Variants in KIAA0753 observed in about 807,000 individuals in gnomAD.
KIAA0753 encodes KIAA0753.
In KIAA0753, 114 loss-of-function variants were observed where a neutral mutation model predicts 116.9. The observed-to-expected ratio is 0.98, with a 90% CI of 0.84 to 1.14. The LOEUF (loss-of-function observed/expected upper bound fraction) is 1.14. Among genes scored for constraint, KIAA0753 ranks in the 50% most tolerant of loss-of-function variants. The pLI, the probability that KIAA0753 is intolerant of heterozygous loss-of-function variation, is 0.00. For synonymous variants in KIAA0753, 405 were observed against 413.1 expected, an observed-to-expected ratio of 0.98 and a Z score of 0.24; for missense variants, 1,156 against 1,172.4, an observed-to-expected ratio of 0.99 and a Z score of 0.20.
intron 6 of KIAA0753, 145 bp downstream of exon 6, chr17:6,622,737 A>G: frequency 1.5e-6 from 1 of 680,226 alleles, no homozygotes; most frequent in Non-Finnish European, 2.5e-6. Flanking sequence ...CAAAACAAAA[A>G]GAAGTGTTTC....
At chr17:6,590,659 C>T in intron 16 of KIAA0753, 29 bp from the exon 17 acceptor site, 1 of 1,611,486 alleles carries the variant, frequency 6.2e-7, no homozygotes, top group Middle Eastern at 1.7e-4. Flanking sequence ...AAAATGACTG[C>T]ATATAAAGAA....
At chr17:6,599,202 A>G (rs919067467) in intron 14 of KIAA0753, 35 bp downstream of exon 14, 1 of 1,454,548 alleles carries the variant, frequency 6.9e-7, no homozygotes, top group South Asian at 1.1e-5. Flanking sequence ...TTATCAAGCA[A>G]TAATACCAGA....
At chr17:6,631,389 T>C (rs578119951) in intron 2 of KIAA0753, among the ~76,000 whole-genome samples, 14 of 152,232 alleles carry the variant, frequency 9.2e-5, no homozygotes, top group Admixed American at 3.3e-4. Flanking sequence ...AAACTACCTT[T>C]TGTACATTCC....
At chr17:6,585,533 C>T (rs1968517112) in intron 18 of KIAA0753, among the ~76,000 whole-genome samples, 1 of 152,110 alleles carries the variant, frequency 6.6e-6, no homozygotes, top group Non-Finnish European at 1.5e-5. Flanking sequence ...CCTAGAACGG[C>T]TTCTAATTTT....
At chr17:6,621,076 G>A (rs572293260) in intron 6 of KIAA0753, 78 bp from the exon 7 acceptor site, 271 of 1,309,246 alleles carry the variant, frequency 2.1e-4, no homozygotes, top group Non-Finnish European at 2.8e-4. Flanking sequence ...TGAAAATAAG[G>A]ACTCCAGGGA....
At chr17:6,624,631 A>C in intron 4 of KIAA0753, 124 bp downstream of exon 4, 1 of 629,940 alleles carries the variant, frequency 1.6e-6, no homozygotes, top group Non-Finnish European at 2.8e-6. Context: ...GAGCCTCACA[A>C]ATCTGTCAGA....
intron 12 of KIAA0753, among the ~76,000 whole-genome samples, chr17:6,601,909 T>A (rs557053926): frequency 6.6e-6 from 1 of 152,280 alleles, no homozygotes; most frequent in East Asian, 1.9e-4. Flanking sequence ...TGCACACATA[T>A]CTGGCAAGGG....
chr17:6,607,962 C>A (rs1330353901), intron 10 of KIAA0753, among the ~76,000 whole-genome samples: 1 of 152,178 alleles, frequency 6.6e-6, no homozygotes, highest in East Asian at 1.9e-4. Flanking sequence ...AGGTTACATA[C>A]CGTGTTCTAT....
chr17:6,631,785 T>C (rs1972034069), intron 2 of KIAA0753, among the ~76,000 whole-genome samples: 2 of 152,190 alleles, frequency 1.3e-5, no homozygotes. Context: ...AGATAGTGAT[T>C]TTTTAAATTT....
At chr17:6,605,542 A>T (rs960587028) in intron 12 of KIAA0753, among the ~76,000 whole-genome samples, 1 of 152,254 alleles carries the variant, frequency 6.6e-6, no homozygotes, top group African/African-American at 2.4e-5. Flanking sequence ...AGGAGTCTTC[A>T]TCTGATACTA....
intron 18 of KIAA0753, among the ~76,000 whole-genome samples, chr17:6,580,831 G>A (rs1968109109): frequency 6.6e-6 from 1 of 151,916 alleles, no homozygotes; most frequent in Non-Finnish European, 1.5e-5. Context: ...GCCGACGGAG[G>A]AAGGGGTGTG....
intron 1 of KIAA0753, chr17:6,637,114 T>A (rs13341406): frequency 0.36 from 54,481 of 152,294 alleles, 10,439 homozygotes; most frequent in Non-Finnish European, 0.43. Context: ...TCCTGTCTCA[T>A]CCTCTGAAGC....
intron 16 of KIAA0753, among the ~76,000 whole-genome samples, chr17:6,594,285 C>T (rs999183662): frequency 1.4e-4 from 21 of 149,698 alleles, no homozygotes; most frequent in African/African-American, 4.4e-4. Context: ...TGACCCCCCC[C>T]CCCAGAACTA....
intron 2 of KIAA0753, among the ~76,000 whole-genome samples, chr17:6,631,537 T>A (rs1294662216): frequency 6.6e-6 from 1 of 151,114 alleles, no homozygotes; most frequent in Admixed American, 6.6e-5. Context: ...AATACAGACA[T>A]ATAGGCAGAC....
chr17:6,635,703 T>A (rs187318092), intron 1 of KIAA0753: 273 of 152,722 alleles, frequency 1.8e-3, no homozygotes, highest in African/African-American at 6.3e-3. Context: ...TTTCTCTCAA[T>A]CTTCATTTCC....
At chr17:6,633,379 G>A (rs1227191918) in intron 2 of KIAA0753, among the ~76,000 whole-genome samples, 1 of 152,172 alleles carries the variant, frequency 6.6e-6, no homozygotes, top group Non-Finnish European at 1.5e-5. Flanking sequence ...TGGCTAAAGA[G>A]ACAACAACAA....
chr17:6,597,970 C>G (rs1969594529), intron 14 of KIAA0753, among the ~76,000 whole-genome samples: 1 of 152,246 alleles, frequency 6.6e-6, no homozygotes, highest in African/African-American at 2.4e-5. Context: ...CTGGAATACT[C>G]TGCAGTGAAG....
intron 18 of KIAA0753, among the ~76,000 whole-genome samples, chr17:6,584,933 C>G (rs888638148): frequency 2.6e-5 from 4 of 152,156 alleles, no homozygotes; most frequent in African/African-American, 9.7e-5. Flanking sequence ...TCCTGAGTAA[C>G]TGGGACTACA....
Position 6,623,525 on chromosome 17 carries a change from A to G in KIAA0753, c.872T>C (p.Ile291Thr). The change falls in exon 5 of 19, where the codon ATT (isoleucine) becomes ACT (threonine). Residue 291 changes from isoleucine (I) to threonine (T), a missense_variant. Coordinates refer to ENST00000361413, the MANE Select transcript of KIAA0753 (RefSeq NM_014804.3). ...GCAGCATACCTTCTTAGTGTGTTTA[A>G]TTTTATGTGGACTCAATTTATCCAA... Reference protein sequence around the residue: ...EELDKLSPHKIKHTKKSWAMS... With the variant: ...EELDKLSPHKTKHTKKSWAMS... 6.2e-7 allele frequency: 1 copy of G among 1,608,110 alleles called. No homozygotes were observed. Among genetic ancestry groups the G allele is most frequent in the Non-Finnish European group, 8.5e-7 (1 of 1,176,200 alleles).
Sources: allele counts gnomAD v4.1 joint callset (sites outside exome capture counted in the v4.1 genomes callset), GRCh38; gene constraint gnomAD v4.1.1; transcripts MANE v1.5; gene names NCBI Gene and HGNC (gene_info 2026-07-23, HGNC 2026-07-21).